Variants in SBF2 observed in about 807,000 individuals in gnomAD.
The protein encoded by SBF2 is SET binding factor 2, also known as myotubularin-related protein 13.
SBF2 carries 112 observed loss-of-function variants against 225.2 expected under a neutral mutation model. That is an observed-to-expected ratio of 0.50 (90% CI 0.43 to 0.58). SBF2 has a LOEUF of 0.58. SBF2 is among the 20% of genes least tolerant of loss of function. The probability of loss-of-function intolerance (pLI) is 0.00; values close to 1 mark genes in which losing one functional copy is unlikely to be tolerated. For missense variants in SBF2, 1,996 were observed against 2,206.2 expected (o/e 0.90, Z 1.91); for synonymous variants, 763 against 773.3 (o/e 0.99, Z 0.22).
chr11:10,008,680 C>T (rs1702572293), intron 6 of SBF2, among the ~76,000 whole-genome samples: 1 of 152,220 alleles, frequency 6.6e-6, no homozygotes, highest in South Asian at 2.1e-4. Context: ...TTGCCCCCTC[C>T]ACCACAAGCT....
intron 16 of SBF2, among the ~76,000 whole-genome samples, chr11:9,899,279 A>C (rs1861525155): frequency 6.6e-6 from 1 of 151,036 alleles, no homozygotes; most frequent in Non-Finnish European, 1.5e-5. Context: ...GGACTGCTTG[A>C]GCCCAGGAGT....
At chr11:10,263,755 C>G (rs1961672444) in intron 1 of SBF2, among the ~76,000 whole-genome samples, 1 of 152,124 alleles carries the variant, frequency 6.6e-6, no homozygotes, top group South Asian at 2.1e-4. Context: ...AAAACTTTAT[C>G]CTGGCTGAAA....
At chr11:9,867,371 T>C (rs957723122) in intron 17 of SBF2, among the ~76,000 whole-genome samples, 1 of 151,580 alleles carries the variant, frequency 6.6e-6, no homozygotes, top group African/African-American at 2.4e-5. Context: ...GTGGCTATTA[T>C]AAAAAAAAGA....
chr11:10,122,837 C>T (rs1457272641), intron 2 of SBF2, among the ~76,000 whole-genome samples: 3 of 152,166 alleles, frequency 2.0e-5, no homozygotes, highest in African/African-American at 7.2e-5. Context: ...GCATCATTTA[C>T]TAGAGTAGAT....
intron 27 of SBF2, among the ~76,000 whole-genome samples, chr11:9,831,387 T>C (rs996486714): frequency 2.0e-5 from 3 of 152,220 alleles, no homozygotes; most frequent in Admixed American, 2.0e-4. Flanking sequence ...TGCCTTCAAT[T>C]ACACCAGTAG....
At chr11:9,872,534 T>C (rs1467387012) in intron 17 of SBF2, among the ~76,000 whole-genome samples, 1 of 152,160 alleles carries the variant, frequency 6.6e-6, no homozygotes, top group Non-Finnish European at 1.5e-5. Context: ...GATATATTGA[T>C]AGCAAATACA....
At chr11:10,240,190 T>C (rs1021876977) in intron 1 of SBF2, among the ~76,000 whole-genome samples, 5 of 151,058 alleles carry the variant, frequency 3.3e-5, no homozygotes, top group African/African-American at 4.9e-5. Context: ...TAGATGAACA[T>C]GATAATTTTA....
intron 2 of SBF2, among the ~76,000 whole-genome samples, chr11:10,141,104 C>T (rs1029037408): frequency 2.0e-5 from 3 of 152,126 alleles, no homozygotes; most frequent in Non-Finnish European, 4.4e-5. Flanking sequence ...GCTTGATCTC[C>T]TCTTACCAAA....
At chr11:9,902,221 C>A (rs1240820316) in intron 16 of SBF2, among the ~76,000 whole-genome samples, 20 of 152,166 alleles carry the variant, frequency 1.3e-4, no homozygotes. Context: ...TCTATTCTCT[C>A]TGAGGGCTAC....
At chr11:10,179,375 A>G (rs1291597596) in intron 2 of SBF2, among the ~76,000 whole-genome samples, 1 of 119,734 alleles carries the variant, frequency 8.4e-6, no homozygotes, top group Non-Finnish European at 1.9e-5. Context: ...ACAAAAAACA[A>G]AAACAAAAAA....
chr11:10,218,287 T>C (rs1203812547), intron 1 of SBF2, among the ~76,000 whole-genome samples: 1 of 150,146 alleles, frequency 6.7e-6, no homozygotes, highest in African/African-American at 2.5e-5. Flanking sequence ...GACAGACTTA[T>C]CCACTATCAC....
At chr11:9,881,446 G>A (rs1408674714) in intron 17 of SBF2, among the ~76,000 whole-genome samples, 1 of 151,974 alleles carries the variant, frequency 6.6e-6, no homozygotes, top group Non-Finnish European at 1.5e-5. Flanking sequence ...ATTGTTACAC[G>A]CATCTCATCT....
At chr11:9,816,276 A>C (rs181585553) in intron 29 of SBF2, among the ~76,000 whole-genome samples, 1 of 152,342 alleles carries the variant, frequency 6.6e-6, no homozygotes, top group Non-Finnish European at 1.5e-5. Flanking sequence ...AAAGTTGATT[A>C]GCATCTAGTA....
At chr11:10,065,884 T>C (rs769346218) in intron 2 of SBF2, among the ~76,000 whole-genome samples, 7 of 152,044 alleles carry the variant, frequency 4.6e-5, no homozygotes, top group African/African-American at 1.2e-4. Flanking sequence ...GGGGTGGAAG[T>C]TGCAGTGAGC....
chr11:9,846,581 C>T (rs1432960630), intron 23 of SBF2, among the ~76,000 whole-genome samples: 1 of 152,220 alleles, frequency 6.6e-6, no homozygotes, highest in Non-Finnish European at 1.5e-5. Flanking sequence ...ATACTGTTTA[C>T]CTTTCCATAG....
chr11:9,913,073 C>T (rs1380844630), intron 16 of SBF2, among the ~76,000 whole-genome samples: 1 of 152,060 alleles, frequency 6.6e-6, no homozygotes, highest in East Asian at 1.9e-4. Context: ...GGCTTGAGCC[C>T]AGGAGTTCAA....
intron 1 of SBF2, among the ~76,000 whole-genome samples, chr11:10,264,726 C>A (rs988371156): frequency 3.3e-5 from 5 of 151,814 alleles, no homozygotes; most frequent in South Asian, 2.1e-4. Context: ...TAATACTATC[C>A]CTCCCCTAGC....
intron 6 of SBF2, among the ~76,000 whole-genome samples, chr11:10,027,341 T>C (rs1398752412): frequency 6.6e-6 from 1 of 152,210 alleles, no homozygotes; most frequent in Non-Finnish European, 1.5e-5. Flanking sequence ...CTATTTATAT[T>C]TATACTAATC....
At chr11:9,966,109 A>G (rs2134377437) in intron 14 of SBF2, among the ~76,000 whole-genome samples, 1 of 152,010 alleles carries the variant, frequency 6.6e-6, no homozygotes, top group South Asian at 2.1e-4. Flanking sequence ...TTTGTGAGAC[A>G]GAGTCTTGCT....
Sources: allele counts gnomAD v4.1 joint callset (sites outside exome capture counted in the v4.1 genomes callset), GRCh38; gene constraint gnomAD v4.1.1; transcripts MANE v1.5; gene names NCBI Gene and HGNC (gene_info 2026-07-23, HGNC 2026-07-21).